The following DNM3 variants were observed in gnomAD, a reference collection of about 807,000 sequenced individuals.
DNM3 encodes dynamin-3.
Under a neutral mutation model 101.6 loss-of-function variants are expected in DNM3, and 47 were observed. That is an observed-to-expected ratio of 0.46 (90% CI 0.37 to 0.59). The LOEUF is 0.59. Ranked by LOEUF, DNM3 falls within the 20% of genes least tolerant of loss-of-function variation. The probability of loss-of-function intolerance (pLI) is 0.00; values close to 1 mark genes in which losing one functional copy is unlikely to be tolerated. For missense variants in DNM3, 849 were observed against 1,085.7 expected (o/e 0.78, Z 3.06); for synonymous variants, 385 against 387.9 (o/e 0.99, Z 0.09).
chr1:172,122,644 G>A (rs191106956), intron 13 of DNM3, among the ~76,000 whole-genome samples: 2 of 152,140 alleles, frequency 1.3e-5, no homozygotes, highest in Non-Finnish European at 2.9e-5. Flanking sequence ...AAAATGGATT[G>A]CTTCCAATTG....
chr1:171,989,763 C>T (rs1311303847), intron 4 of DNM3, among the ~76,000 whole-genome samples: 1 of 152,046 alleles, frequency 6.6e-6, no homozygotes, highest in Admixed American at 6.6e-5. Context: ...TCAGTGCTGG[C>T]CTTGGTGTGT....
chr1:172,033,192 T>G lies in DNM3; in HGVS notation c.776T>G (p.Phe259Cys), dbSNP rs2048737697. Residue 259 changes from phenylalanine to cysteine, a missense_variant, in exon 6 of 21, where the codon TTC becomes TGC. By Grantham distance (205) the Phe-to-Cys change is radical (BLOSUM62 -2). Around this residue, in one of 5 missense-constraint regions of DNM3, gnomAD observed 388 missense variants for 483.0 expected, o/e 0.80. Coordinates refer to ENST00000627582, the MANE Select transcript of DNM3 (RefSeq NM_015569.5). Reference sequence around the variant, plus strand: ...GCCATGCTGGCAGAGAGGAAGTTTTTCCTTTCCCACCCGGCTTACAGACAT... The same window carrying G: ...GCCATGCTGGCAGAGAGGAAGTTTTGCCTTTCCCACCCGGCTTACAGACAT... ...KAAMLAERKF[F>C]LSHPAYRHIA... 1 of 1,610,050 alleles carries G rather than the reference T, an allele frequency of 6.2e-7. No individual in the cohort carries two copies. Among genetic ancestry groups the G allele is most frequent in the African/African-American group, 1.3e-5 (1 of 74,822 alleles).
At chr1:171,880,905 T>TAA (rs761368840) in intron 1 of DNM3, among the ~76,000 whole-genome samples, 1 of 148,810 alleles carries the variant, frequency 6.7e-6, no homozygotes, top group Non-Finnish European at 1.5e-5. Flanking sequence ...AATAGTAAAG[T>TAA]AAAAAAAAAA....
intron 14 of DNM3, among the ~76,000 whole-genome samples, chr1:172,145,325 T>TCC (rs2057826353): frequency 7.1e-6 from 1 of 140,504 alleles, no homozygotes; most frequent in South Asian, 2.2e-4. Context: ...TGTCTGTCTG[T>TCC]CTCTCTCTCT....
At chr1:172,206,007 A>G (rs189551086) in intron 14 of DNM3, among the ~76,000 whole-genome samples, 2 of 152,264 alleles carry the variant, frequency 1.3e-5, no homozygotes, top group Admixed American at 1.3e-4. Flanking sequence ...GGTTCCCTGA[A>G]TAATATGTAA....
intron 2 of DNM3, among the ~76,000 whole-genome samples, chr1:171,960,500 G>A (rs1164084353): frequency 2.6e-5 from 4 of 152,162 alleles, no homozygotes; most frequent in East Asian, 1.9e-4. Flanking sequence ...TGGCAGTGTT[G>A]AAAGGTGCGG....
intron 14 of DNM3, among the ~76,000 whole-genome samples, chr1:172,143,375 G>A (rs993347054): frequency 4.6e-5 from 7 of 152,092 alleles, no homozygotes; most frequent in African/African-American, 1.4e-4. Flanking sequence ...TAGGGATGAG[G>A]CAATAACATT....
intron 15 of DNM3, among the ~76,000 whole-genome samples, chr1:172,299,531 C>T (rs1297926671): frequency 6.6e-6 from 1 of 152,058 alleles, no homozygotes; most frequent in Non-Finnish European, 1.5e-5. Flanking sequence ...AACCCTTCCT[C>T]CCTTTTTCCT....
intron 20 of DNM3, among the ~76,000 whole-genome samples, chr1:172,398,543 T>C (rs1009359845): frequency 4.6e-5 from 7 of 152,202 alleles, no homozygotes; most frequent in Admixed American, 3.9e-4. Context: ...GTAAATGATA[T>C]CTGCTTGGCC....
chr1:172,164,039 C>G (rs2058657179), intron 14 of DNM3, among the ~76,000 whole-genome samples: 1 of 151,604 alleles, frequency 6.6e-6, no homozygotes, highest in African/African-American at 2.4e-5. Context: ...CACATCTTGG[C>G]TATTGTGGAT....
At chr1:172,391,358 G>C (rs915050103) in intron 20 of DNM3, among the ~76,000 whole-genome samples, 6 of 152,248 alleles carry the variant, frequency 3.9e-5, no homozygotes, top group Admixed American at 3.3e-4. Flanking sequence ...GTGGTCACCT[G>C]AGAGAGGGCA....
intron 1 of DNM3, among the ~76,000 whole-genome samples, chr1:171,887,866 C>CT (rs1433663224): frequency 6.6e-6 from 1 of 151,746 alleles, no homozygotes; most frequent in African/African-American, 2.4e-5. Context: ...TTTTTTTCCA[C>CT]TGTCTTTTTT....
chr1:172,254,295 A>C (rs1246002664), intron 15 of DNM3, among the ~76,000 whole-genome samples: 1 of 152,174 alleles, frequency 6.6e-6, no homozygotes, highest in East Asian at 1.9e-4. Context: ...TTACATACTT[A>C]CAAACTACTC....
intron 15 of DNM3, among the ~76,000 whole-genome samples, chr1:172,286,407 T>C (rs773865973): frequency 1.3e-5 from 2 of 152,208 alleles, no homozygotes; most frequent in Non-Finnish European, 2.9e-5. Flanking sequence ...TTGCGCTAAA[T>C]GAAATTTGGA....
intron 2 of DNM3, among the ~76,000 whole-genome samples, chr1:171,952,103 G>A (rs866842542): frequency 1.2e-4 from 18 of 152,174 alleles, no homozygotes; most frequent in African/African-American, 4.1e-4. Flanking sequence ...CAAGGTTCTT[G>A]TTATGTAGAT....
At chr1:172,127,645 G>A (rs544960619) in intron 13 of DNM3, among the ~76,000 whole-genome samples, 5 of 151,794 alleles carry the variant, frequency 3.3e-5, no homozygotes, top group East Asian at 1.9e-4. Flanking sequence ...CCCTGACCTC[G>A]TGATACACCC....
At chr1:171,947,415 G>C (rs970926608) in intron 2 of DNM3, among the ~76,000 whole-genome samples, 1 of 152,088 alleles carries the variant, frequency 6.6e-6, no homozygotes, top group African/African-American at 2.4e-5. Flanking sequence ...ATCCATCAAG[G>C]CTTCTAATTT....
At position 172,044,370 on chromosome 1, in the gene DNM3, A is replaced by T. The variant is rs1164465299; in HGVS notation, c.1129-15A>T. The T allele has an allele frequency of 3.7e-6, 6 of 1,600,632 alleles. No homozygotes were observed. The highest frequency in any genetic ancestry group is 4.3e-6 in the Non-Finnish European group (5 of 1,173,256). On this transcript the variant is annotated splice_polypyrimidine_tract_variant and intron_variant, in intron 8 of 20. Transcript: ENST00000627582. ...GAATTAAGTGTCATAACTATGGCTCATTTTGCATCTGCAGATGGAGTTCAA... is the reference window on the plus strand; with the variant it reads ...GAATTAAGTGTCATAACTATGGCTCTTTTTGCATCTGCAGATGGAGTTCAA...
chr1:172,291,331 A>G (rs1360469875), intron 15 of DNM3, among the ~76,000 whole-genome samples: 2 of 152,138 alleles, frequency 1.3e-5, no homozygotes, highest in South Asian at 2.1e-4. Flanking sequence ...ATGCTAGTAT[A>G]CAATATGAAT....
Sources: gnomAD v4.1 joint callset for allele counts (sites outside exome capture counted in the v4.1 genomes callset) on GRCh38, gnomAD v4.1.1 for gene constraint, gnomAD v4.1.1 regional missense constraint, MANE v1.5 for transcripts, NCBI Gene and HGNC (gene_info 2026-07-23, HGNC 2026-07-21) for gene names.